Variants in HOMER1 observed in about 807,000 individuals in gnomAD.
The protein encoded by HOMER1 is homer protein homolog 1.
In HOMER1, 3 loss-of-function variants were observed where a neutral mutation model predicts 48.9. That is an observed-to-expected ratio of 0.06 (90% CI 0.03 to 0.16). The LOEUF is 0.16. Among genes scored for constraint, HOMER1 ranks in the 10% least tolerant of loss-of-function variants. HOMER1 has a pLI of 1.00. For synonymous variants in HOMER1, 134 were observed against 146.4 expected (o/e 0.92, Z 0.61); for missense variants, 247 against 411.4 (o/e 0.60, Z 3.46).
At chr5:79,463,403 C>A (rs1271370749) in intron 1 of HOMER1, among the ~76,000 whole-genome samples, 1 of 152,132 alleles carries the variant, frequency 6.6e-6, no homozygotes, top group African/African-American at 2.4e-5. Context: ...CCTAAAGAAA[C>A]CCTTAGTGCT....
chr5:79,504,723 T>A (rs755610271), intron 1 of HOMER1, among the ~76,000 whole-genome samples: 8 of 152,166 alleles, frequency 5.3e-5, no homozygotes, highest in Non-Finnish European at 8.8e-5. Flanking sequence ...CAATAACTAC[T>A]TAAGATTGAG....
chr5:79,424,916 CG>C (rs1750198792), intron 5 of HOMER1, among the ~76,000 whole-genome samples: 1 of 151,936 alleles, frequency 6.6e-6, no homozygotes. Context: ...AAACAAAACA[CG>C]GGATGCCACG....
chr5:79,472,538 G>A (rs892121528), intron 1 of HOMER1, among the ~76,000 whole-genome samples: 10 of 152,106 alleles, frequency 6.6e-5, no homozygotes, highest in African/African-American at 2.2e-4. Flanking sequence ...GGAATGGGAG[G>A]CTGAGGTAGG....
intron 1 of HOMER1, among the ~76,000 whole-genome samples, chr5:79,505,169 G>C (rs1752713103): frequency 1.3e-5 from 2 of 152,096 alleles, no homozygotes; most frequent in South Asian, 4.1e-4. Context: ...TGAGGCAGGA[G>C]AATCATCTGA....
At chr5:79,472,449 AT>A (rs1484709135) in intron 1 of HOMER1, among the ~76,000 whole-genome samples, 4 of 152,168 alleles carry the variant, frequency 2.6e-5, no homozygotes, top group African/African-American at 9.7e-5. Flanking sequence ...CATGATTTAC[AT>A]TTTTTAACAA....
chr5:79,456,996 G>T lies in HOMER1; in HGVS notation c.28C>A (p.Arg10=), dbSNP rs762456835. Residue 10 remains arginine (R), a synonymous_variant, in exon 2 of 9, where the codon CGA becomes AGA. Coordinates refer to ENST00000334082, the MANE Select transcript of HOMER1 (RefSeq NM_004272.5). ...GGGTCAATTTGGAAGACATGAGCTC[G>T]AGTGCTGAAGATAGGTTGTTCCCTG... The part of the protein sequence containing the change: MGEQPIFST[R]AHVFQIDPNT... 16 of 1,613,886 alleles carry T rather than the reference G, an allele frequency of 9.9e-6. No individual in the cohort carries two copies. Among genetic ancestry groups the T allele is most frequent in the Non-Finnish European group, 1.4e-5 (16 of 1,179,946 alleles).
chr5:79,441,368 G>A (rs1750730849), intron 4 of HOMER1, among the ~76,000 whole-genome samples: 1 of 151,986 alleles, frequency 6.6e-6, no homozygotes, highest in South Asian at 2.1e-4. Flanking sequence ...TCACTTTGAG[G>A]GTAATATAAG....
intron 1 of HOMER1, among the ~76,000 whole-genome samples, chr5:79,469,298 A>C (rs1751558038): frequency 6.6e-6 from 1 of 152,232 alleles, no homozygotes; most frequent in Admixed American, 6.5e-5. Context: ...TTTAATGTTA[A>C]ACTAGACGTC....
At chr5:79,445,439 A>G (rs1750849112) in intron 4 of HOMER1, among the ~76,000 whole-genome samples, 2 of 152,252 alleles carry the variant, frequency 1.3e-5, no homozygotes, top group Admixed American at 1.3e-4. Context: ...GTATTATAAA[A>G]GTACCAAAAT....
intron 5 of HOMER1, among the ~76,000 whole-genome samples, chr5:79,438,402 T>C (rs562806766): frequency 6.6e-5 from 10 of 152,306 alleles, no homozygotes; most frequent in Admixed American, 3.9e-4. Flanking sequence ...TTAGGATAAA[T>C]AGTATGTTTT....
rs144019639 is a variant in HOMER1, at chr5:79,505,125, G to A, written c.5+7645C>T. On this transcript the variant is annotated intron_variant, in intron 1 of 8. Coordinates refer to ENST00000334082, the MANE Select transcript of HOMER1 (RefSeq NM_004272.5). ...AAAATACAAAAATTAGCCAGGTGTG[G>A]TGGTGCACCTGTAGTCCCAACTACT... 4.6e-3 allele frequency among the ~76,000 whole-genome samples: 704 copies of A among 152,236 alleles called. 4 individuals carry two copies. Among genetic ancestry groups the A allele is most frequent in the Middle Eastern group, 6.8e-3 (2 of 294 alleles).
intron 5 of HOMER1, among the ~76,000 whole-genome samples, chr5:79,425,067 C>T (rs1750204458): frequency 6.6e-6 from 1 of 151,930 alleles, no homozygotes; most frequent in African/African-American, 2.4e-5. Context: ...ATGATTGGGT[C>T]TTTTTAAATT....
chr5:79,466,867 C>G (rs1382179860), intron 1 of HOMER1, among the ~76,000 whole-genome samples: 1 of 152,036 alleles, frequency 6.6e-6, no homozygotes, highest in African/African-American at 2.4e-5. Flanking sequence ...TCTCGGCTCA[C>G]TGCAACCTCT....
At chr5:79,430,983 A>C (rs1229614329) in intron 5 of HOMER1, among the ~76,000 whole-genome samples, 1 of 152,176 alleles carries the variant, frequency 6.6e-6, no homozygotes, top group Non-Finnish European at 1.5e-5. Flanking sequence ...CAAGAATATC[A>C]GACAAGAAAA....
chr5:79,472,789 G>GT (rs1387773969), intron 1 of HOMER1, among the ~76,000 whole-genome samples: 1 of 150,990 alleles, frequency 6.6e-6, no homozygotes, highest in African/African-American at 2.4e-5. Flanking sequence ...TAAAAAAAAT[G>GT]TTTTTAATTA....
chr5:79,430,710 G>A (rs903009306), intron 5 of HOMER1, among the ~76,000 whole-genome samples: 10 of 152,136 alleles, frequency 6.6e-5, no homozygotes, highest in African/African-American at 1.2e-4. Flanking sequence ...AGGCCGAGGC[G>A]GGTGGATCAC....
chr5:79,445,573 C>G (rs1225945021), intron 4 of HOMER1, among the ~76,000 whole-genome samples: 4 of 149,248 alleles, frequency 2.7e-5, no homozygotes, highest in Non-Finnish European at 2.9e-5. Flanking sequence ...TAACCATTGT[C>G]TCAGTGCTAA....
chr5:79,437,582 T>C (rs974726290), intron 5 of HOMER1, among the ~76,000 whole-genome samples: 15 of 152,240 alleles, frequency 9.9e-5, no homozygotes, highest in South Asian at 2.1e-4. Flanking sequence ...TACTGTTTTA[T>C]GTAAAATTAT....
intron 1 of HOMER1, among the ~76,000 whole-genome samples, chr5:79,470,839 C>T (rs1301713351): frequency 6.6e-6 from 1 of 152,034 alleles, no homozygotes; most frequent in Non-Finnish European, 1.5e-5. Context: ...GTAGCATATC[C>T]AGTGACATAA....
Sources: gnomAD v4.1 joint callset for allele counts (sites outside exome capture counted in the v4.1 genomes callset) on GRCh38, gnomAD v4.1.1 for gene constraint, MANE v1.5 for transcripts, NCBI Gene and HGNC (gene_info 2026-07-23, HGNC 2026-07-21) for gene names.